The following CDH18 variants were observed in gnomAD, a reference collection of about 807,000 sequenced individuals.
CDH18 encodes the protein cadherin 18, also known as cadherin-18.
A neutral mutation model predicts 67.9 loss-of-function variants in CDH18; 31 were observed. That is an observed-to-expected ratio of 0.46 (90% CI 0.34 to 0.62). The LOEUF is 0.62. CDH18 is among the 20% of genes least tolerant of loss of function. CDH18 has a pLI of 0.01. For synonymous variants in CDH18, 362 were observed against 347.2 expected (o/e 1.04, Z -0.48); for missense variants, 890 against 975.5 (o/e 0.91, Z 1.17).
chr5:19,881,506 C>CTT (rs559703821), intron 2 of CDH18, among the ~76,000 whole-genome samples: 14 of 121,922 alleles, frequency 1.1e-4, no homozygotes, highest in African/African-American at 1.2e-4. Flanking sequence ...TCTTCAAGTG[C>CTT]TTTTTTTTTT....
intron 1 of CDH18, among the ~76,000 whole-genome samples, chr5:20,345,362 G>T (rs1561990834): frequency 2.0e-5 from 3 of 152,102 alleles, no homozygotes; most frequent in African/African-American, 7.2e-5. Flanking sequence ...GAACACCCAA[G>T]GGATTATTTA....
chr5:20,228,119 A>T (rs1741782331), intron 2 of CDH18, among the ~76,000 whole-genome samples: 1 of 152,048 alleles, frequency 6.6e-6, no homozygotes, highest in African/African-American at 2.4e-5. Flanking sequence ...AGTTTCAATA[A>T]CAAAATTTTG....
At chr5:19,792,156 T>C (rs10062978) in intron 3 of CDH18, among the ~76,000 whole-genome samples, 83,470 of 151,882 alleles carry the variant, frequency 0.55, 23,260 homozygotes, top group Middle Eastern at 0.68. Context: ...TTTTTTGAAT[T>C]AGTAGATAGA....
Position 20,297,829 on chromosome 5 carries a change from GAA to G in CDH18, c.-579-42326_-579-42325del, listed in dbSNP as rs544659901. On this transcript the variant is annotated intron_variant, in intron 1 of 14. Coordinates refer to the CDH18 transcript ENST00000507958. ...GAGGTTGTACTTCATATTACAGAATGAAGTATAAAATAAGAGAGTTCTCTTCT... is the reference window on the plus strand; with the variant it reads ...GAGGTTGTACTTCATATTACAGAATGGTATAAAATAAGAGAGTTCTCTTCT... Among the ~76,000 whole-genome samples, 10 of 152,276 alleles carry G rather than the reference GAA, an allele frequency of 6.6e-5. No homozygotes were observed. In the East Asian group the frequency reaches 1.9e-3, roughly 29 times the overall value.
intron 2 of CDH18, among the ~76,000 whole-genome samples, chr5:20,041,523 T>A (rs1218589242): frequency 6.6e-6 from 1 of 152,180 alleles, no homozygotes; most frequent in Non-Finnish European, 1.5e-5. Context: ...CAGGAAGTGG[T>A]TTCCTTCTCC....
At chr5:19,987,917 C>G (rs1484920551) in intron 1 of CDH18, among the ~76,000 whole-genome samples, 169 bp downstream of exon 1, 1 of 152,136 alleles carries the variant, frequency 6.6e-6, no homozygotes, top group African/African-American at 2.4e-5. Flanking sequence ...AGCGATAAGG[C>G]AGCCTGCATT....
intron 5 of CDH18, among the ~76,000 whole-genome samples, chr5:19,711,668 A>AAGCAAAT (rs1554011716): frequency 1.3e-5 from 2 of 150,550 alleles, no homozygotes; most frequent in South Asian, 2.1e-4. Flanking sequence ...AAAAAAAAAA[A>AAGCAAAT]GCAAATGTTG....
intron 2 of CDH18, among the ~76,000 whole-genome samples, chr5:20,234,800 G>C (rs1247618568): frequency 6.6e-6 from 1 of 152,030 alleles, no homozygotes; most frequent in African/African-American, 2.4e-5. Flanking sequence ...AACAGGGATG[G>C]GCATGGGGAC....
intron 2 of CDH18, among the ~76,000 whole-genome samples, chr5:20,090,870 A>T (rs1286503142): frequency 6.6e-6 from 1 of 151,686 alleles, no homozygotes. Flanking sequence ...GATTTACAAA[A>T]ATATATATAT....
At chr5:20,277,237 A>T (rs1745878182) in intron 1 of CDH18, among the ~76,000 whole-genome samples, 1 of 152,142 alleles carries the variant, frequency 6.6e-6, no homozygotes, top group African/African-American at 2.4e-5. Flanking sequence ...CATCCAGTGC[A>T]GTCCCAGTGG....
intron 8 of CDH18, among the ~76,000 whole-genome samples, chr5:19,548,665 A>G (rs1423375575): frequency 6.6e-6 from 1 of 152,090 alleles, no homozygotes; most frequent in African/African-American, 2.4e-5. Flanking sequence ...AAACGAAGGG[A>G]CAGAGTAATA....
At chr5:20,135,669 T>G (rs1434402449) in intron 2 of CDH18, among the ~76,000 whole-genome samples, 1 of 152,182 alleles carries the variant, frequency 6.6e-6, no homozygotes, top group Non-Finnish European at 1.5e-5. Context: ...CTTTAGTTCT[T>G]TTAATTGTGA....
Position 19,839,123 on chromosome 5 carries a change from T to A in CDH18, c.-137A>T. On this transcript the variant is annotated 5_prime_UTR_variant, in exon 3 of 13. It removes the in-frame stop codon of an upstream open reading frame in the 5' UTR. Coordinates refer to ENST00000382275, the MANE Select transcript of CDH18 (RefSeq NM_004934.5). Reference sequence around the variant, plus strand: ...TAAATTGTTTAGCGTGTCCATGATTTAACTGTCCATCAGGGAAAGGTCAGA... The same window carrying A: ...TAAATTGTTTAGCGTGTCCATGATTAAACTGTCCATCAGGGAAAGGTCAGA... The A allele has an allele frequency of 1.6e-6, 1 of 645,046 alleles. No individual in the cohort carries two copies. Among genetic ancestry groups the A allele is most frequent in the Non-Finnish European group, 2.7e-6 (1 of 363,912 alleles). 40.0% of individuals were successfully genotyped at this position (645,046 alleles called of 1,614,324 possible).
intron 2 of CDH18, among the ~76,000 whole-genome samples, chr5:20,242,727 TTG>T (rs1395642988): frequency 6.7e-6 from 1 of 149,164 alleles, no homozygotes; most frequent in African/African-American, 2.5e-5. Flanking sequence ...TTTTTTACAG[TTG>T]TGTTTGCTTT....
intron 5 of CDH18, among the ~76,000 whole-genome samples, chr5:19,691,273 C>T (rs1395328923): frequency 6.6e-6 from 1 of 151,776 alleles, no homozygotes; most frequent in Non-Finnish European, 1.5e-5. Context: ...ATGACAAACC[C>T]ACAGCTAACA....
chr5:19,586,485 T>G (rs2150006149), intron 7 of CDH18, among the ~76,000 whole-genome samples: 1 of 152,322 alleles, frequency 6.6e-6, no homozygotes, highest in South Asian at 2.1e-4. Flanking sequence ...CGCATTAGTT[T>G]GCCTAAATAA....
chr5:20,104,190 T>C (rs963010531), intron 2 of CDH18, among the ~76,000 whole-genome samples: 1 of 151,904 alleles, frequency 6.6e-6, no homozygotes, highest in Non-Finnish European at 1.5e-5. Flanking sequence ...AATCCTTTTT[T>C]TGGTCAAGTT....
chr5:20,376,867 A>G, intron 1 of CDH18, among the ~76,000 whole-genome samples: 1 of 151,882 alleles, frequency 6.6e-6, no homozygotes, highest in Admixed American at 6.6e-5. Context: ...AAGTACTAAA[A>G]TTAGCCGGGC....
chr5:19,567,480 T>G (rs1452913463), intron 8 of CDH18, among the ~76,000 whole-genome samples: 1 of 152,208 alleles, frequency 6.6e-6, no homozygotes, highest in African/African-American at 2.4e-5. Flanking sequence ...CAGGGCACAT[T>G]GCAAAGTACA....
Sources: gnomAD v4.1 joint callset for allele counts (sites outside exome capture counted in the v4.1 genomes callset) on GRCh38, gnomAD v4.1.1 for gene constraint, MANE v1.5 for transcripts, NCBI Gene and HGNC (gene_info 2026-07-23, HGNC 2026-07-21) for gene names.